The following KIF4B variants were observed in gnomAD, a reference collection of about 807,000 sequenced individuals.
KIF4B encodes kinesin family member 4B.
A neutral mutation model predicts 69.0 loss-of-function variants in KIF4B; 60 were observed. That is an observed-to-expected ratio of 0.87 (90% CI 0.71 to 1.08). The LOEUF is 1.08. KIF4B is among the 50% of genes least tolerant of loss of function. The pLI, the probability that KIF4B is intolerant of heterozygous loss-of-function variation, is 0.00. For synonymous variants in KIF4B, 489 were observed against 533.0 expected (o/e 0.92, Z 1.14); for missense variants, 1,357 against 1,451.9 (o/e 0.93, Z 1.06).
Position 155,015,755 on chromosome 5 carries a change from T to G in KIF4B, c.1896T>G (p.Thr632=), listed in dbSNP as rs1157281158. 6.2e-7 allele frequency: 1 copy of G among 1,614,068 alleles called. No homozygotes were observed. The highest frequency in any genetic ancestry group is 1.3e-5 in the African/African-American group (1 of 74,908). ...AACTAAAGGAATCCACAGAGCGTAC[T>G]GTCTCCAAGCTGAACCAAGAGATAT... ...LLKLKESTER[T]VSKLNQEIWM... is the part of the protein sequence containing the mutation. The change falls in exon 1 of 1, where the codon ACT becomes ACG. Residue 632 remains threonine, a synonymous_variant. Coordinates refer to ENST00000435029, the MANE Select transcript of KIF4B (RefSeq NM_001099293.3).
chr5:155,016,958 G>T lies in KIF4B; in HGVS notation c.3099G>T (p.Lys1033Asn), dbSNP rs777792116. ...PKPKPSRVKE[K>N]FLEQSMDIED... ...CAAAACCTTCTCGTGTTAAAGAAAA[G>T]TTTCTGGAGCAAAGCATGGACATCG... Residue 1033 changes from lysine (K) to asparagine (N), a missense_variant, in exon 1 of 1, where the codon AAG becomes AAT. Lys to Asn is a moderately conservative substitution (Grantham distance 94). Transcript: ENST00000435029. 3 of 1,614,200 alleles carry T rather than the reference G, an allele frequency of 1.9e-6. No individual in the cohort carries two copies. Among genetic ancestry groups the T allele is most frequent in the Non-Finnish European group, 2.5e-6 (3 of 1,180,042 alleles).
Position 155,016,241 on chromosome 5 carries a change from A to G in KIF4B, c.2382A>G (p.Lys794=). ...AATCTCGGGAGAATCCACCTCCTAA[A>G]CTCCGGAAGTGTACATTCTCCCTTT... The part of the protein sequence containing the change: ...KKESRENPPP[K]LRKCTFSLSE... The change falls in exon 1 of 1, where the codon AAA becomes AAG. Residue 794 remains lysine (K), a synonymous_variant. Transcript: ENST00000435029. The G allele has an allele frequency of 1.2e-6, 2 of 1,614,138 alleles. No individual in the cohort carries two copies. Among genetic ancestry groups the G allele is most frequent in the Non-Finnish European group, 1.7e-6 (2 of 1,180,018 alleles).
rs775125448 is a variant in KIF4B at position 155,015,593 on chromosome 5, G to T, written c.1734G>T (p.Leu578Phe). The T allele has an allele frequency of 4.3e-6, 7 of 1,614,058 alleles. No homozygotes were observed. The highest frequency in any genetic ancestry group is 5.9e-6 in the Non-Finnish European group (7 of 1,180,052). Residue 578 changes from leucine to phenylalanine, a missense_variant, in exon 1 of 1, where the codon TTG becomes TTT. Physicochemically the swap from Leu to Phe is conservative, Grantham distance 22. Coordinates refer to ENST00000435029, the MANE Select transcript of KIF4B (RefSeq NM_001099293.3). ...ATCTGCAAAAGGAAAAGGAAGAATT[G>T]GTTCGTGAACTTCAGACAGCAAAGA... ...VINLQKEKEE[L>F]VRELQTAKKN...
At position 155,016,643 on chromosome 5, in the gene KIF4B, A is replaced by C. The variant is rs1376681912; in HGVS notation, c.2784A>C (p.Gln928His). The change falls in exon 1 of 1, where the codon CAA (glutamine) becomes CAC (histidine). Residue 928 changes from glutamine (Q) to histidine (H), a missense_variant. Coordinates refer to ENST00000435029, the MANE Select transcript of KIF4B (RefSeq NM_001099293.3). The part of the protein sequence containing the change: ...AELVRMEQQH[Q>H]EKVLYLVSQL... ...TGGTCAGAATGGAGCAACAGCACCAAGAGAAGGTGCTATACCTTGTCAGCC... is the reference window on the plus strand; with the variant it reads ...TGGTCAGAATGGAGCAACAGCACCACGAGAAGGTGCTATACCTTGTCAGCC... 3 of 1,614,232 alleles carry C rather than the reference A, an allele frequency of 1.9e-6. No individual in the cohort carries two copies. Among genetic ancestry groups the C allele is most frequent in the Non-Finnish European group, 2.5e-6 (3 of 1,180,034 alleles).
chr5:155,015,934 A>C lies in KIF4B; in HGVS notation c.2075A>C (p.Asn692Thr), dbSNP rs1223098301. The stretch of plus-strand genomic sequence containing the variant: ...TATGAGCTGCTCAAACTTGAAAGAA[A>C]CTTCCAGAAACAATCCAGTGTGCTC... ...RQYELLKLER[N>T]FQKQSSVLRR... Residue 692 changes from asparagine (N) to threonine (T), a missense_variant, in exon 1 of 1, where the codon AAC becomes ACC. Physicochemically the swap from Asn to Thr is moderately conservative, Grantham distance 65 (BLOSUM62 0). Transcript: ENST00000435029. 1 of 1,614,138 alleles carries C rather than the reference A, an allele frequency of 6.2e-7. No homozygotes were observed. The highest frequency in any genetic ancestry group is 8.5e-7 in the Non-Finnish European group (1 of 1,180,052).
Position 155,015,337 on chromosome 5 carries a change from A to T in KIF4B, c.1478A>T (p.Glu493Val). 6.2e-7 allele frequency: 1 copy of T among 1,614,218 alleles called. No individual in the cohort carries two copies. Among genetic ancestry groups the T allele is most frequent in the Non-Finnish European group, 8.5e-7 (1 of 1,180,026 alleles). The change falls in exon 1 of 1, where the codon GAA (glutamate) becomes GTA (valine). Residue 493 changes from glutamate (E) to valine (V), a missense_variant. Transcript: ENST00000435029. ...GCTGCAGCCATTGATACTGCGGTAG[A>T]AGAAGAAGCTCAAGTGGAAACCAGT... ...CTAAAIDTAV[E>V]EEAQVETSPE... is the part of the protein sequence containing the mutation.
At position 155,014,785 on chromosome 5, in the gene KIF4B, T is replaced by C. The variant is rs779768508; in HGVS notation, c.926T>C (p.Met309Thr). 8.7e-6 allele frequency: 14 copies of C among 1,614,084 alleles called. No homozygotes were observed. The Admixed American group carries it at 2.2e-4, about 25-fold the overall frequency. The change falls in exon 1 of 1, where the codon ATG becomes ACG. Residue 309 changes from methionine (M) to threonine (T), a missense_variant. Met to Thr is a moderately conservative substitution (Grantham distance 81). Transcript: ENST00000435029. Reference sequence around the variant, plus strand: ...CTAGGAGGTAACAGCCACACTCTTATGATAGCCTGTGTGAGTCCTGCTGAC... The same window carrying C: ...CTAGGAGGTAACAGCCACACTCTTACGATAGCCTGTGTGAGTCCTGCTGAC... ...DSLGGNSHTL[M>T]IACVSPADSN...
In KIF4B at chr5:155,014,102, T is replaced by C. The variant is rs1385714806; in HGVS notation, c.243T>C (p.Asn81=). 2.5e-6 allele frequency: 4 copies of C among 1,614,216 alleles called. No individual in the cohort carries two copies. The highest frequency in any genetic ancestry group is 4.5e-5 in the East Asian group (2 of 44,892). ...PLIKGIFKGY[N]ATVLAYGQTG... Reference sequence around the variant, plus strand: ...TAAAAGGCATATTTAAAGGATATAATGCAACGGTCCTGGCCTATGGGCAGA... The same window carrying C: ...TAAAAGGCATATTTAAAGGATATAACGCAACGGTCCTGGCCTATGGGCAGA... The change falls in exon 1 of 1, where the codon AAT becomes AAC. Residue 81 remains asparagine (N), a synonymous_variant. Coordinates refer to ENST00000435029, the MANE Select transcript of KIF4B (RefSeq NM_001099293.3).
Position 155,017,478 on chromosome 5 carries a change from C to G in KIF4B, c.3619C>G (p.Pro1207Ala). 1 of 1,614,078 alleles carries G rather than the reference C, an allele frequency of 6.2e-7. No individual in the cohort carries two copies. Among genetic ancestry groups the G allele is most frequent in the Non-Finnish European group, 8.5e-7 (1 of 1,180,016 alleles). ...AGCAACAGAATACCAACAAAATAAG[C>G]CTCCAGGGAAGAAAAAGAAACGAGC... The part of the protein sequence containing the change: ...HGATEYQQNK[P>A]PGKKKKRALA... Residue 1207 changes from proline (P) to alanine (A), a missense_variant, in exon 1 of 1, where the codon CCT becomes GCT. By Grantham distance (27) the Pro-to-Ala change is conservative. Transcript: ENST00000435029.
Position 155,014,765 on chromosome 5 carries a change from A to G in KIF4B, c.906A>G (p.Gly302=), listed in dbSNP as rs755276810. ...CTCGACTGCTGCAAGATTCTCTAGG[A>G]GGTAACAGCCACACTCTTATGATAG... ...KLTRLLQDSL[G]GNSHTLMIAC... is the part of the protein sequence containing the mutation. The change falls in exon 1 of 1, where the codon GGA becomes GGG. Residue 302 remains glycine (G), a synonymous_variant. Coordinates refer to ENST00000435029, the MANE Select transcript of KIF4B (RefSeq NM_001099293.3). The G allele has an allele frequency of 6.2e-7, 1 of 1,614,150 alleles. No individual in the cohort carries two copies. Among genetic ancestry groups the G allele is most frequent in the Non-Finnish European group, 8.5e-7 (1 of 1,180,032 alleles).
At position 155,016,953 on chromosome 5, in the gene KIF4B, GA is replaced by G. The variant is rs775320451; in HGVS notation, c.3098del (p.Lys1033SerfsTer12). The G allele has an allele frequency of 1.9e-6, 3 of 1,614,202 alleles. No individual in the cohort carries two copies. Among genetic ancestry groups the G allele is most frequent in the Non-Finnish European group, 2.5e-6 (3 of 1,180,050 alleles). ...TAAGCCAAAACCTTCTCGTGTTAAA[GA>G]AAAGTTTCTGGAGCAAAGCATGGAC... ...PPKPKPSRVK[E>X]KFLEQSMDIE... On this transcript the variant is annotated frameshift_variant, in exon 1 of 1. Transcript: ENST00000435029. LOFTEE classifies it low-confidence loss of function (END_TRUNC).
chr5:155,016,148 T>C lies in KIF4B; in HGVS notation c.2289T>C (p.His763=). The C allele has an allele frequency of 2.5e-6, 4 of 1,614,138 alleles. No individual in the cohort carries two copies. Among genetic ancestry groups the C allele is most frequent in the Non-Finnish European group, 3.4e-6 (4 of 1,180,032 alleles). Reference sequence around the variant, plus strand: ...TCAGTACTGAGGAAGCCAAACGCCATCTGAATGACCTCCTTGAAGACAGAA... The same window carrying C: ...TCAGTACTGAGGAAGCCAAACGCCACCTGAATGACCTCCTTGAAGACAGAA... ...VMVSTEEAKR[H]LNDLLEDRKI... is the part of the protein sequence containing the mutation. The change falls in exon 1 of 1, where the codon CAT becomes CAC. Residue 763 remains histidine (H), a synonymous_variant. Transcript: ENST00000435029.
chr5:155,015,169 T>G lies in KIF4B; in HGVS notation c.1310T>G (p.Leu437Arg). The G allele has an allele frequency of 6.2e-7, 1 of 1,614,204 alleles. No individual in the cohort carries two copies. The highest frequency in any genetic ancestry group is 8.5e-7 in the Non-Finnish European group (1 of 1,180,042). Residue 437 changes from leucine (L) to arginine (R), a missense_variant, in exon 1 of 1, where the codon CTC (leucine) becomes CGC (arginine). Transcript: ENST00000435029. ...AAACTGAACGCCAAGCTAGAAGAGCTCAGGCAGCATGTGGCCTGCAAGCTG... is the reference window on the plus strand; with the variant it reads ...AAACTGAACGCCAAGCTAGAAGAGCGCAGGCAGCATGTGGCCTGCAAGCTG... Reference protein sequence around the residue: ...NEKLNAKLEELRQHVACKLDL... With the variant: ...NEKLNAKLEERRQHVACKLDL...
chr5:155,016,673 G>C lies in KIF4B; in HGVS notation c.2814G>C (p.Leu938=). ...AGGTGCTATACCTTGTCAGCCAGCT[G>C]CAGGAAAGCCAAATGGCAGAGAAGC... ...QEKVLYLVSQ[L]QESQMAEKQL... The change falls in exon 1 of 1, where the codon CTG becomes CTC. Residue 938 remains leucine (L), a synonymous_variant. Coordinates refer to ENST00000435029, the MANE Select transcript of KIF4B (RefSeq NM_001099293.3). 1 of 1,614,224 alleles carries C rather than the reference G, an allele frequency of 6.2e-7. No individual in the cohort carries two copies. Among genetic ancestry groups the C allele is most frequent in the South Asian group, 1.1e-5 (1 of 91,084 alleles).
At position 155,015,180 on chromosome 5, in the gene KIF4B, G is replaced by GGA; in HGVS notation, c.1321_1322insGA (p.Val441GlyfsTer11). ...CAAGCTAGAAGAGCTCAGGCAGCATGTGGCCTGCAAGCTGGATCTTCAAAA... is the reference window on the plus strand; with the variant it reads ...CAAGCTAGAAGAGCTCAGGCAGCATGGATGGCCTGCAAGCTGGATCTTCAAAA... On this transcript the variant is annotated frameshift_variant, in exon 1 of 1. Coordinates refer to ENST00000435029, the MANE Select transcript of KIF4B (RefSeq NM_001099293.3). LOFTEE classifies it high-confidence loss of function. 1 of 1,614,252 alleles carries GGA rather than the reference G, an allele frequency of 6.2e-7. No individual in the cohort carries two copies. The highest frequency in any genetic ancestry group is 8.5e-7 in the Non-Finnish European group (1 of 1,180,046).
chr5:155,016,615 A>T lies in KIF4B; in HGVS notation c.2756A>T (p.Glu919Val). 6.2e-7 allele frequency: 1 copy of T among 1,614,236 alleles called. No individual in the cohort carries two copies. The highest frequency in any genetic ancestry group is 8.5e-7 in the Non-Finnish European group (1 of 1,180,030). The change falls in exon 1 of 1, where the codon GAG (glutamate) becomes GTG (valine). Residue 919 changes from glutamate to valine, a missense_variant. Transcript: ENST00000435029. ...GAGATAGAGACAGAGTTACAAGCTG[A>T]GCTGGTCAGAATGGAGCAACAGCAC... is the stretch of plus-strand genomic sequence containing the variant. ...FSEIETELQA[E>V]LVRMEQQHQE... is the part of the protein sequence containing the mutation.
At position 155,015,193 on chromosome 5, in the gene KIF4B, TG is replaced by T. The variant is rs767655640; in HGVS notation, c.1336del (p.Asp446IlefsTer5). The T allele has an allele frequency of 1.2e-6, 2 of 1,614,218 alleles. No homozygotes were observed. The highest frequency in any genetic ancestry group is 2.2e-5 in the South Asian group (2 of 91,090). ...CTCAGGCAGCATGTGGCCTGCAAGC[TG>T]GATCTTCAAAAGCTAGTGGAGACTT... ...EELRQHVACK[L>X]DLQKLVETLE... is the part of the protein sequence containing the mutation. On this transcript the variant is annotated frameshift_variant, in exon 1 of 1. Transcript: ENST00000435029. LOFTEE classifies it high-confidence loss of function.
chr5:155,017,533 G>C lies in KIF4B; in HGVS notation c.3674G>C (p.Gly1225Ala). Residue 1225 changes from glycine to alanine, a missense_variant, in exon 1 of 1, where the codon GGC becomes GCC. Transcript: ENST00000435029. Reference sequence around the variant, plus strand: ...GCTAGCAACACCAGCTTCTTCTCTGGCTGCTCCCCTATCGAAGAAGAGGCC... The same window carrying C: ...GCTAGCAACACCAGCTTCTTCTCTGCCTGCTCCCCTATCGAAGAAGAGGCC... ...ALASNTSFFS[G>A]CSPIEEEAH 4 of 1,613,446 alleles carry C rather than the reference G, an allele frequency of 2.5e-6. No homozygotes were observed. Among genetic ancestry groups the C allele is most frequent in the Non-Finnish European group, 3.4e-6 (4 of 1,179,972 alleles).
rs1765332389 is a variant in KIF4B at position 155,016,319 on chromosome 5, T to C, written c.2460T>C (p.Ile820=). The C allele has an allele frequency of 2.5e-6, 4 of 1,614,020 alleles. No individual in the cohort carries two copies. The highest frequency in any genetic ancestry group is 3.4e-6 in the Non-Finnish European group (4 of 1,180,036). The change falls in exon 1 of 1, where the codon ATT becomes ATC. Residue 820 remains isoleucine (I), a synonymous_variant. Transcript: ENST00000435029. ...CAGAAGATTGTATTACAAAACAGAT[T>C]GAAAGCCTAGAGACTGAAATGGAAC... ...LESEDCITKQ[I]ESLETEMELR... is the part of the protein sequence containing the mutation.
Sources: allele counts gnomAD v4.1 joint callset, GRCh38; gene constraint gnomAD v4.1.1; transcripts MANE v1.5; gene names NCBI Gene and HGNC (gene_info 2026-07-23, HGNC 2026-07-21).